DPY19L2: variants seen among roughly 807,000 people sequenced by gnomAD.
DPY19L2 encodes dpy-19 like 2.
A neutral mutation model predicts 97.9 loss-of-function variants in DPY19L2; 34 were observed. The ratio of observed to expected loss-of-function variants is 0.35; its 90% CI spans 0.26 to 0.46. DPY19L2 has a LOEUF of 0.46. DPY19L2 is among the 20% of genes least tolerant of loss of function. DPY19L2 has a pLI of 1.00. For synonymous variants in DPY19L2, 230 were observed against 307.9 expected, an observed-to-expected ratio of 0.75 and a Z score of 2.65; for missense variants, 623 against 911.4, an observed-to-expected ratio of 0.68 and a Z score of 4.07.
intron 21 of DPY19L2, 28 bp downstream of exon 21, chr12:63,569,196 T>C (rs1878331830): frequency 1.3e-6 from 2 of 1,570,002 alleles, no homozygotes; most frequent in Non-Finnish European, 1.7e-6. Context: ...AAATATACCA[T>C]ATCAGATAGC....
At chr12:63,668,648 G>A (rs1592798079), upstream of DPY19L2, 7 of 498,998 alleles carry the variant, frequency 1.4e-5, no homozygotes, top group East Asian at 2.6e-4. Flanking sequence ...GCGCTTCCCA[G>A]AGCGTGCAGC....
chr12:63,565,314 T>C (rs946682050), intron 21 of DPY19L2, among the ~76,000 whole-genome samples: 2 of 152,100 alleles, frequency 1.3e-5, no homozygotes, highest in Non-Finnish European at 2.9e-5. Context: ...AAAATCACAG[T>C]ATTGGCAGGA....
At position 63,665,838 on chromosome 12, in the gene DPY19L2, T is replaced by C. The variant is rs773108449; in HGVS notation, c.359A>G (p.His120Arg). 6.2e-5 allele frequency: 99 copies of C among 1,584,240 alleles called. No individual in the cohort carries two copies. The East Asian group carries it at 2.2e-3, about 35-fold the overall frequency. Residue 120 changes from histidine to arginine, a missense_variant, in exon 2 of 22, where the codon CAT becomes CGT. Physicochemically the swap from His to Arg is conservative, Grantham distance 29 (BLOSUM62 0). Around this residue, in one of 6 missense-constraint regions of DPY19L2, gnomAD observed 84 missense variants for 125.4 expected, o/e 0.67. Coordinates refer to ENST00000324472, the MANE Select transcript of DPY19L2 (RefSeq NM_173812.5). ...LGIAVFVAIL[H>R]WLHLVTLFEN... is the part of the protein sequence containing the mutation. ...TCAAACTGAAACTAAATCTTACCAA[T>C]GTAAAATTGCCACAAAGACAGCTGG...
intron 12 of DPY19L2, among the ~76,000 whole-genome samples, chr12:63,605,833 C>A (rs1015012260): frequency 6.6e-6 from 1 of 152,164 alleles, no homozygotes; most frequent in African/African-American, 2.4e-5. Flanking sequence ...ACTATCCCAG[C>A]ATCATTTAGT....
chr12:63,600,477 T>C (rs1884954816), intron 12 of DPY19L2, 91 bp from the exon 13 acceptor site: 1 of 1,104,594 alleles, frequency 9.1e-7, no homozygotes, highest in Non-Finnish European at 1.3e-6. Flanking sequence ...AGAAAAAATT[T>C]AATTATGTGA....
chr12:63,584,702 A>G (rs542080173), intron 16 of DPY19L2, among the ~76,000 whole-genome samples: 1 of 152,294 alleles, frequency 6.6e-6, no homozygotes, highest in African/African-American at 2.4e-5. Context: ...GTTTTGAAGT[A>G]ACCCTTTTCT....
intron 6 of DPY19L2, among the ~76,000 whole-genome samples, chr12:63,635,520 A>T (rs1489519285): frequency 6.6e-6 from 1 of 152,136 alleles, no homozygotes; most frequent in Non-Finnish European, 1.5e-5. Context: ...ACCCATCGCA[A>T]AGAAGCTAAA....
Position 63,580,803 on chromosome 12 carries a change from C to A in DPY19L2, c.1759G>T (p.Glu587Ter), listed in dbSNP as rs548944269. The A allele has an allele frequency of 1.9e-6, 3 of 1,612,480 alleles. 1 individual carries two copies. Among genetic ancestry groups the A allele is most frequent in the Admixed American group, 3.4e-5 (2 of 59,696 alleles). The change falls in exon 19 of 22, where the codon GAG becomes TAG. Residue 587 changes from glutamate (E) to a stop codon, truncating the protein, a stop_gained. Transcript: ENST00000324472. LOFTEE classifies it high-confidence loss of function. ...FGWLFRRVRF[E>*]KVIFGILTVM... ...GTTAAAATGCCAAAGATAACCTTCT[C>A]AAAACGAACTCTGCGAAAAAGCCAG...
intron 4 of DPY19L2, among the ~76,000 whole-genome samples, chr12:63,660,334 T>C (rs1297055957): frequency 5.3e-5 from 8 of 151,618 alleles, no homozygotes; most frequent in Non-Finnish European, 1.2e-4. Context: ...ATTAAAGAAA[T>C]ATATATATAC....
chr12:63,567,125 A>G (rs1212143409), intron 21 of DPY19L2, among the ~76,000 whole-genome samples: 6 of 152,120 alleles, frequency 3.9e-5, no homozygotes, highest in Non-Finnish European at 4.4e-5. Context: ...GTAGTTTTGT[A>G]TCTCTTAACC....
chr12:63,597,077 A>G (rs1220624520), intron 14 of DPY19L2, among the ~76,000 whole-genome samples: 2 of 151,792 alleles, frequency 1.3e-5, no homozygotes, highest in African/African-American at 4.8e-5. Flanking sequence ...GGTTCAAGCA[A>G]TTCTCCTGTC....
At chr12:63,593,189 G>T (rs1330103459) in intron 16 of DPY19L2, among the ~76,000 whole-genome samples, 1 of 152,134 alleles carries the variant, frequency 6.6e-6, no homozygotes, top group East Asian at 1.9e-4. Flanking sequence ...TACACTGTTG[G>T]TGGGACTGTA....
At chr12:63,612,558 A>C (rs954571507) in intron 11 of DPY19L2, among the ~76,000 whole-genome samples, 3 of 151,570 alleles carry the variant, frequency 2.0e-5, no homozygotes, top group African/African-American at 7.3e-5. Context: ...GTTTAAAAAC[A>C]AAAAACAAGA....
rs376629818 is a variant in DPY19L2 at position 63,629,103 on chromosome 12, A to G, written c.804-2577T>C. Among the ~76,000 whole-genome samples, 967 of 152,214 alleles carry G rather than the reference A, an allele frequency of 6.4e-3. 7 individuals carry two copies. The highest frequency in any genetic ancestry group is 0.031 in the South Asian group (150 of 4,824). The stretch of plus-strand genomic sequence containing the variant: ...TCAAAGACCAAAGGTAGATAAAACC[A>G]CAAAGATGGGGAAAAAACAGAGCAG... On this transcript the variant is annotated intron_variant, in intron 6 of 21. Transcript: ENST00000324472.
chr12:63,658,761 T>C (rs1287027118), intron 4 of DPY19L2, among the ~76,000 whole-genome samples: 13 of 152,140 alleles, frequency 8.5e-5, no homozygotes, highest in African/African-American at 2.9e-4. Flanking sequence ...TCTATCTGTG[T>C]CATCACTCAG....
intron 5 of DPY19L2, among the ~76,000 whole-genome samples, chr12:63,645,980 C>G (rs557648413): frequency 6.6e-6 from 1 of 152,260 alleles, no homozygotes; most frequent in South Asian, 2.1e-4. Context: ...CACCATTTCA[C>G]ATCATTTTTC....
chr12:63,626,541 C>CA lies in DPY19L2; in HGVS notation c.804-16dup, dbSNP rs767420575. 1.1e-4 allele frequency: 152 copies of CA among 1,423,400 alleles called. 6 individuals carry two copies. The highest frequency in any genetic ancestry group is 2.6e-4 in the South Asian group (19 of 72,072). The allele number at this position is 1,423,400 out of a possible 1,614,324, so 88.2% of individuals were successfully genotyped here. ...GTTGAGTCCCACTGTAAAAAAAAAA[C>CA]AAAAAAAACAGAGAATACAATCAAA... On this transcript the variant is annotated splice_polypyrimidine_tract_variant and intron_variant, in intron 6 of 21. Transcript: ENST00000324472.
chr12:63,608,766 C>A, intron 11 of DPY19L2, 91 bp from the exon 12 acceptor site: 1 of 708,980 alleles, frequency 1.4e-6, no homozygotes, highest in Non-Finnish European at 2.3e-6. Context: ...TATATAGCCA[C>A]CCTGTTCCAT....
Position 63,661,473 on chromosome 12 carries a change from A to G in DPY19L2, c.459T>C (p.Tyr153=). 1 of 1,563,986 alleles carries G rather than the reference A, an allele frequency of 6.4e-7. No individual in the cohort carries two copies. The highest frequency in any genetic ancestry group is 8.6e-7 in the Non-Finnish European group (1 of 1,163,568). Residue 153 remains tyrosine, a synonymous_variant, in exon 4 of 22, where the codon TAT becomes TAC. Coordinates refer to ENST00000324472, the MANE Select transcript of DPY19L2 (RefSeq NM_173812.5). ...EMTFRTEMGL[Y]YSYFKTIIEA... ...CAATAATGGTCTTGAAGTATGAATA[A>G]TAAAGTCCCTTTTTTTAAAAAAAGA...
Sources: gnomAD v4.1 joint callset for allele counts (sites outside exome capture counted in the v4.1 genomes callset) on GRCh38, gnomAD v4.1.1 for gene constraint, gnomAD v4.1.1 regional missense constraint, MANE v1.5 for transcripts, NCBI Gene and HGNC (gene_info 2026-07-23, HGNC 2026-07-21) for gene names.